The following PPIP5K2 variants were observed in gnomAD, a reference collection of about 807,000 sequenced individuals.
PPIP5K2 encodes the protein inositol hexakisphosphate and diphosphoinositol-pentakisphosphate kinase 2.
PPIP5K2 carries 105 observed loss-of-function variants against 154.6 expected under a neutral mutation model. The observed-to-expected ratio is 0.68, with a 90% CI of 0.58 to 0.80. The LOEUF is 0.80. Ranked by LOEUF, PPIP5K2 falls within the 30% of genes least tolerant of loss-of-function variation. The pLI is 0.00. For synonymous variants in PPIP5K2, 480 were observed against 490.3 expected (o/e 0.98, Z 0.28); for missense variants, 992 against 1,504.6 (o/e 0.66, Z 5.64).
In PPIP5K2 at chr5:103,129,827, T is replaced by G. The variant is rs1262881972; in HGVS notation, c.114+124T>G. On this transcript the variant is annotated intron_variant, in intron 2 of 30. Coordinates refer to ENST00000358359, the MANE Select transcript of PPIP5K2 (RefSeq NM_001276277.3). ...GAAAAAGTATATTTTGTTTCATGAC[T>G]GATGTTGTTGAATCTATGATGAATC... 6.4e-6 allele frequency: 8 copies of G among 1,240,944 alleles called. No individual in the cohort carries two copies. The African/African-American group carries it at 1.2e-4, about 19-fold the overall frequency. 76.9% of individuals were successfully genotyped at this position (1,240,944 alleles called of 1,614,324 possible). A position where few individuals can be genotyped will look rare whatever the true frequency, so the allele number is the denominator to read the frequency against.
intron 6 of PPIP5K2, among the ~76,000 whole-genome samples, chr5:103,147,130 T>C (rs1554209432): frequency 2.0e-5 from 3 of 151,902 alleles, no homozygotes; most frequent in South Asian, 2.1e-4. Flanking sequence ...ATAAAAAATA[T>C]TGAGCTAGTT....
intron 25 of PPIP5K2, 99 bp downstream of exon 25, chr5:103,183,506 A>C: frequency 2.0e-6 from 2 of 1,005,452 alleles, no homozygotes; most frequent in Non-Finnish European, 2.9e-6. Context: ...TTCACATCAG[A>C]GTAAATCCTT....
chr5:103,165,683 C>T (rs1797017506), intron 17 of PPIP5K2, among the ~76,000 whole-genome samples: 1 of 151,912 alleles, frequency 6.6e-6, no homozygotes, highest in African/African-American at 2.4e-5. Flanking sequence ...AACAGTTTCC[C>T]GAAGAAATCA....
Position 103,177,648 on chromosome 5 carries a change from A to G in PPIP5K2, c.2530-19A>G. The G allele has an allele frequency of 2.0e-6, 3 of 1,532,082 alleles. No individual in the cohort carries two copies. The highest frequency in any genetic ancestry group is 2.7e-6 in the Non-Finnish European group (3 of 1,117,616). The allele number at this position is 1,532,082 out of a possible 1,614,324, so 94.9% of individuals were successfully genotyped here. On this transcript the variant is annotated intron_variant, in intron 21 of 30. Coordinates refer to ENST00000358359, the MANE Select transcript of PPIP5K2 (RefSeq NM_001276277.3). The stretch of plus-strand genomic sequence containing the variant: ...AACACAGTTTGAGAAAATGATTACC[A>G]CATGTATCTTTTGTTCAGGAATCAA...
chr5:103,173,362 C>T (rs1331762479), intron 20 of PPIP5K2, 80 bp downstream of exon 20: 2 of 1,449,906 alleles, frequency 1.4e-6, no homozygotes, highest in Non-Finnish European at 1.9e-6. Flanking sequence ...TTTGATGGTC[C>T]TATGAAGTCA....
chr5:103,163,567 G>A (rs1305052289), intron 17 of PPIP5K2, among the ~76,000 whole-genome samples: 1 of 151,404 alleles, frequency 6.6e-6, no homozygotes, highest in African/African-American at 2.4e-5. Context: ...GCTTTCCATA[G>A]GTAGGACCCT....
intron 28 of PPIP5K2, among the ~76,000 whole-genome samples, chr5:103,187,887 T>C (rs1800647802): frequency 6.6e-6 from 1 of 152,156 alleles, no homozygotes; most frequent in African/African-American, 2.4e-5. Context: ...CGTCTGTTCC[T>C]GGCTATTTTT....
At chr5:103,188,392 C>T (rs1437248043) in intron 28 of PPIP5K2, among the ~76,000 whole-genome samples, 3 of 152,092 alleles carry the variant, frequency 2.0e-5, no homozygotes, top group African/African-American at 4.8e-5. Context: ...GGATTCAACA[C>T]AAGTTTATGG....
In PPIP5K2 at chr5:103,173,228, G is replaced by T. The variant is rs558653659; in HGVS notation, c.2360G>T (p.Arg787Leu). The T allele has an allele frequency of 1.2e-6, 2 of 1,611,572 alleles. No homozygotes were observed. The highest frequency in any genetic ancestry group is 1.7e-5 in the Admixed American group (1 of 59,808). Reference sequence around the variant, plus strand: ...TGTACTCCTCTGGTTAGAAAAATTCGCTCAGACCTTCAGAGGACACAAGAT... The same window carrying T: ...TGTACTCCTCTGGTTAGAAAAATTCTCTCAGACCTTCAGAGGACACAAGAT... ...GYCTPLVRKI[R>L]SDLQRTQDDD... The change falls in exon 20 of 31, where the codon CGC becomes CTC. Residue 787 changes from arginine to leucine, a missense_variant. Physicochemically the swap from Arg to Leu is moderately radical, Grantham distance 102 (BLOSUM62 -2). This residue lies in a region of PPIP5K2 where 157 missense variants were observed against 281.2 expected (regional missense o/e 0.56). Coordinates refer to ENST00000358359, the MANE Select transcript of PPIP5K2 (RefSeq NM_001276277.3).
intron 17 of PPIP5K2, among the ~76,000 whole-genome samples, chr5:103,164,160 T>C (rs1351600279): frequency 6.6e-6 from 1 of 151,962 alleles, no homozygotes; most frequent in Non-Finnish European, 1.5e-5. Flanking sequence ...AAATTATATT[T>C]TTTAGAAGTT....
chr5:103,186,969 T>C lies in PPIP5K2; in HGVS notation c.3290-345T>C, dbSNP rs575241664. ...GAATTTTTTAAGGCTCATGGAAGCG[T>C]GTCCCTTTTGTTAAGAGAAGTGGCT... On this transcript the variant is annotated intron_variant, in intron 27 of 30. Coordinates refer to ENST00000358359, the MANE Select transcript of PPIP5K2 (RefSeq NM_001276277.3). 4.6e-5 allele frequency among the ~76,000 whole-genome samples: 7 copies of C among 152,286 alleles called. 1 individual carries two copies. In the Middle Eastern group the frequency reaches 0.01, roughly 222 times the overall value.
At position 103,183,325 on chromosome 5, in the gene PPIP5K2, G is replaced by A. The variant is rs782360219; in HGVS notation, c.3014G>A (p.Arg1005Lys). 10 of 1,607,508 alleles carry A rather than the reference G, an allele frequency of 6.2e-6. No homozygotes were observed. The Admixed American group carries it at 1.0e-4, about 16-fold the overall frequency. ...GTGGGTACTGGGCGTCGAAGACGCA[G>A]ATCAGGGGAACAAATCACTTCTTCC... Reference protein sequence around the residue: ...SGVGTGRRRRRSGEQITSSPV... With the variant: ...SGVGTGRRRRKSGEQITSSPV... The change falls in exon 25 of 31, where the codon AGA becomes AAA. Residue 1005 changes from arginine (R) to lysine (K), a missense_variant. Physicochemically the swap from Arg to Lys is conservative, Grantham distance 26. This residue lies in a region of PPIP5K2 where 204 missense variants were observed against 224.0 expected (regional missense o/e 0.91). Coordinates refer to ENST00000358359, the MANE Select transcript of PPIP5K2 (RefSeq NM_001276277.3).
In PPIP5K2 at chr5:103,136,724, G is replaced by T. The variant is rs782513397; in HGVS notation, c.311-8G>T. The T allele has an allele frequency of 1.2e-6, 2 of 1,603,376 alleles. No individual in the cohort carries two copies. Among genetic ancestry groups the T allele is most frequent in the Admixed American group, 3.3e-5 (2 of 59,972 alleles). ...AATACAGAATATGTTAATAATATGT[G>T]TTCTTAGGATTTCCACTGGACAAAG... On this transcript the variant is annotated splice_region_variant and splice_polypyrimidine_tract_variant and intron_variant, in intron 3 of 30. Transcript: ENST00000358359.
intron 1 of PPIP5K2, among the ~76,000 whole-genome samples, chr5:103,124,228 C>T (rs543639030): frequency 6.8e-6 from 1 of 146,676 alleles, no homozygotes; most frequent in Non-Finnish European, 1.5e-5. Context: ...TGTAGTGAGC[C>T]GAGATCGTGC....
At chr5:103,191,800 T>C (rs782000571) in intron 29 of PPIP5K2, among the ~76,000 whole-genome samples, 6 of 152,034 alleles carry the variant, frequency 3.9e-5, no homozygotes, top group Non-Finnish European at 8.8e-5. Context: ...GAAATTCCAG[T>C]TTAGAAAGAG....
At chr5:103,183,433 A>C in intron 25 of PPIP5K2, 26 bp downstream of exon 25, 1 of 1,580,178 alleles carries the variant, frequency 6.3e-7, no homozygotes, top group South Asian at 1.1e-5. Flanking sequence ...TTCATTAAAC[A>C]TTTTTCCTCC....
At chr5:103,121,078 C>T (rs1467294156) in intron 1 of PPIP5K2, among the ~76,000 whole-genome samples, 1 of 152,052 alleles carries the variant, frequency 6.6e-6, no homozygotes, top group Non-Finnish European at 1.5e-5. Flanking sequence ...TTCTTGACCA[C>T]TTCCTGGGAG....
chr5:103,161,692 G>A (rs938709721), intron 17 of PPIP5K2, among the ~76,000 whole-genome samples: 5 of 151,892 alleles, frequency 3.3e-5, no homozygotes, highest in Admixed American at 6.6e-5. Flanking sequence ...GTTTTGATTT[G>A]CATTTCTCTG....
At chr5:103,188,231 T>A (rs1554225782) in intron 28 of PPIP5K2, among the ~76,000 whole-genome samples, 1 of 152,142 alleles carries the variant, frequency 6.6e-6, no homozygotes, top group Admixed American at 6.6e-5. Context: ...TAATTCAGGA[T>A]CAAAGAATTT....
Sources: gnomAD v4.1 joint callset for allele counts (sites outside exome capture counted in the v4.1 genomes callset) on GRCh38, gnomAD v4.1.1 for gene constraint, gnomAD v4.1.1 regional missense constraint, MANE v1.5 for transcripts, NCBI Gene and HGNC (gene_info 2026-07-23, HGNC 2026-07-21) for gene names.